Variants in TEX10 observed in about 807,000 individuals in gnomAD.
TEX10 encodes testis expressed 10, also known as testis-expressed protein 10.
A neutral mutation model predicts 104.4 loss-of-function variants in TEX10; 24 were observed. The ratio of observed to expected loss-of-function variants is 0.23; its 90% CI spans 0.17 to 0.32. The LOEUF (loss-of-function observed/expected upper bound fraction) is 0.32, where lower values mean the gene tolerates loss of function less well. Among genes scored for constraint, TEX10 ranks in the 10% least tolerant of loss-of-function variants. The probability of loss-of-function intolerance (pLI) is 1.00; values close to 1 mark genes in which losing one functional copy is unlikely to be tolerated. For synonymous variants in TEX10, 396 were observed against 393.4 expected (o/e 1.01, Z -0.08); for missense variants, 921 against 1,083.9 (o/e 0.85, Z 2.11).
intron 5 of TEX10, among the ~76,000 whole-genome samples, chr9:100,335,734 C>CTT (rs990826760): frequency 6.9e-6 from 1 of 144,964 alleles, no homozygotes; most frequent in African/African-American, 2.5e-5. Context: ...AAAGCATGTC[C>CTT]TTTTTTTTTT....
intron 10 of TEX10, 86 bp downstream of exon 10, chr9:100,321,597 A>C (rs1265154544): frequency 1.8e-6 from 2 of 1,110,776 alleles, no homozygotes; most frequent in East Asian, 2.4e-5. Context: ...AACTGAACCA[A>C]ACTGATAAAA....
At chr9:100,329,855 T>C in intron 6 of TEX10, 76 bp downstream of exon 6, 1 of 1,241,082 alleles carries the variant, frequency 8.1e-7, no homozygotes, top group Admixed American at 2.2e-5. Context: ...TTACAAGCCA[T>C]CATTTCAAAG....
Position 100,303,796 on chromosome 9 carries a change from G to C in TEX10, c.2512C>G (p.Arg838Gly), listed in dbSNP as rs146070264. 2.5e-6 allele frequency: 4 copies of C among 1,613,984 alleles called. No homozygotes were observed. The highest frequency in any genetic ancestry group is 1.7e-5 in the Admixed American group (1 of 60,000). ...VCVSILALLPRVLRLMLQSLR... is the reference protein window; with the variant it reads ...VCVSILALLPGVLRLMLQSLR... The stretch of plus-strand genomic sequence containing the variant: ...CTCTGCAGCATCAACCTGAGGACTC[G>C]AGGCAAGAGAGCCAGGATGGAGACA... The change falls in exon 14 of 15, where the codon CGA becomes GGA. Residue 838 changes from arginine (R) to glycine (G), a missense_variant. Transcript: ENST00000374902.
At chr9:100,314,597 A>G (rs537624291) in intron 11 of TEX10, among the ~76,000 whole-genome samples, 3 of 151,948 alleles carry the variant, frequency 2.0e-5, no homozygotes, top group African/African-American at 7.2e-5. Context: ...TTTTTTGTCT[A>G]TTTGGATCTT....
In TEX10 at chr9:100,352,854, G is replaced by A. The variant is rs879640071; in HGVS notation, c.-92C>T. The A allele has an allele frequency of 1.4e-3, 1,375 of 1,009,356 alleles. 2 individuals are homozygous for A. The highest frequency in any genetic ancestry group is 2.0e-3 in the Middle Eastern group (4 of 2,026). 62.5% of individuals were successfully genotyped at this position (1,009,356 alleles called of 1,614,324 possible). ...AGCCCACGGGGCAACAGCGTGCGCC[G>A]CCGACCTCAGGCTCTAGCTCCCGGA... On this transcript the variant is annotated 5_prime_UTR_variant, in exon 1 of 15. Transcript: ENST00000374902.
intron 5 of TEX10, among the ~76,000 whole-genome samples, chr9:100,338,222 G>A (rs531228285): frequency 7.9e-5 from 12 of 151,652 alleles, no homozygotes; most frequent in East Asian, 1.9e-4. Flanking sequence ...AGTGTTGATC[G>A]GCAGCTCTTC....
At chr9:100,352,387 C>T in intron 1 of TEX10, 1 of 1,551,722 alleles carries the variant, frequency 6.4e-7, no homozygotes, top group Non-Finnish European at 8.7e-7. Flanking sequence ...ACTCCGTATT[C>T]GGTCCTGCAT....
chr9:100,326,310 C>T lies in TEX10; in HGVS notation c.1971G>A (p.Leu657=). The T allele has an allele frequency of 6.2e-7, 1 of 1,613,574 alleles. No individual in the cohort carries two copies. The highest frequency in any genetic ancestry group is 8.5e-7 in the Non-Finnish European group (1 of 1,179,734). Residue 657 remains leucine, a synonymous_variant, in exon 9 of 15, where the codon CTG becomes CTA. Transcript: ENST00000374902. The stretch of plus-strand genomic sequence containing the variant: ...TCACTTGAGCATGCTACCTCATGTG[C>T]AGTATCCCGATAAGCATGGCAGCCA... ...SSLAAMLIGI[L]HMRSSFSGWK...
chr9:100,319,679 GCCTGT>G (rs566648125), intron 11 of TEX10, among the ~76,000 whole-genome samples: 2 of 152,054 alleles, frequency 1.3e-5, no homozygotes, highest in Non-Finnish European at 2.9e-5. Flanking sequence ...AGTGGCGCCT[GCCTGT>G]AATCCCAGCT....
rs1261850190 is a variant in TEX10, at chr9:100,341,713, G to A, written c.1138-1344C>T. ...AAGTCAATTCCCCACACAGCAGCCA[G>A]GGTGATCTTTTAAAACATAAATCGT... On this transcript the variant is annotated intron_variant, in intron 4 of 14. Transcript: ENST00000374902. Among the ~76,000 whole-genome samples, 3 of 152,104 alleles carry A rather than the reference G, an allele frequency of 2.0e-5. No individual in the cohort carries two copies. In the East Asian group the frequency reaches 5.8e-4, roughly 29 times the overall value.
At chr9:100,349,591 T>C (rs1835390056) in intron 1 of TEX10, among the ~76,000 whole-genome samples, 1 of 152,230 alleles carries the variant, frequency 6.6e-6, no homozygotes, top group Non-Finnish European at 1.5e-5. Flanking sequence ...TGCCACGGTT[T>C]TGCAAAGTTT....
chr9:100,327,854 A>G lies in TEX10; in HGVS notation c.1734T>C (p.His578=), dbSNP rs2118882162. ...CTTTATTTGCTCGTGCTGCAGCGGTATGAATGATATCGATAAGCTGTGTAG... is the reference window on the plus strand; with the variant it reads ...CTTTATTTGCTCGTGCTGCAGCGGTGTGAATGATATCGATAAGCTGTGTAG... ...ELSTQLIDII[H]TAAARANKEL... Residue 578 remains histidine (H), a synonymous_variant, in exon 8 of 15, where the codon CAT becomes CAC. Transcript: ENST00000374902. 1 of 1,607,910 alleles carries G rather than the reference A, an allele frequency of 6.2e-7. No individual in the cohort carries two copies. The highest frequency in any genetic ancestry group is 2.2e-5 in the East Asian group (1 of 44,836).
At chr9:100,333,763 G>C (rs1205161212) in intron 5 of TEX10, among the ~76,000 whole-genome samples, 1 of 151,900 alleles carries the variant, frequency 6.6e-6, no homozygotes, top group Non-Finnish European at 1.5e-5. Flanking sequence ...TGGTATTGGT[G>C]AAACAATAAA....
chr9:100,309,959 C>T (rs1394073516), intron 12 of TEX10, among the ~76,000 whole-genome samples: 1 of 152,184 alleles, frequency 6.6e-6, no homozygotes, highest in Non-Finnish European at 1.5e-5. Context: ...ACCCAGACTT[C>T]AGTCTAGATG....
At chr9:100,349,457 T>C in intron 1 of TEX10, 85 bp from the exon 2 acceptor site, 1 of 754,352 alleles carries the variant, frequency 1.3e-6, no homozygotes, top group Non-Finnish European at 1.9e-6. Context: ...CATACTACTG[T>C]AACATTTATT....
rs896546724 is a variant in TEX10 at position 100,324,009 on chromosome 9, C to T, written c.1980-2238G>A. Among the ~76,000 whole-genome samples the T allele has an allele frequency of 2.7e-4, 41 of 151,968 alleles. 1 individual carries two copies. Among genetic ancestry groups the T allele is most frequent in the African/African-American group, 8.7e-4 (36 of 41,380 alleles). On this transcript the variant is annotated intron_variant, in intron 9 of 14. Coordinates refer to ENST00000374902, the MANE Select transcript of TEX10 (RefSeq NM_017746.4). ...AAAAAACTAAAGATATGAAGTAACCCAACATATGTCTGAATGAACTAACCG... is the reference window on the plus strand; with the variant it reads ...AAAAAACTAAAGATATGAAGTAACCTAACATATGTCTGAATGAACTAACCG...
intron 13 of TEX10, chr9:100,307,547 T>C (rs527872882): frequency 1.3e-5 from 2 of 152,236 alleles, no homozygotes; most frequent in East Asian, 3.9e-4. Flanking sequence ...ACATGCAGTA[T>C]AATTCCCATT....
chr9:100,308,610 A>G lies in TEX10; in HGVS notation c.2355T>C (p.His785=), dbSNP rs1412118600. The change falls in exon 13 of 15, where the codon CAT becomes CAC. Residue 785 remains histidine, a synonymous_variant. Coordinates refer to ENST00000374902, the MANE Select transcript of TEX10 (RefSeq NM_017746.4). ...VFGVICKLLD[H]TCVVSETLLP... is the part of the protein sequence containing the mutation. ...GTAGAGTCTCACTAACTACACAAGT[A>G]TGATCCAGGAGCTTACAGATAACAC... 1.9e-6 allele frequency: 3 copies of G among 1,613,134 alleles called. No homozygotes were observed. Among genetic ancestry groups the G allele is most frequent in the East Asian group, 2.2e-5 (1 of 44,858 alleles).
At chr9:100,319,830 A>T (rs764562426) in intron 11 of TEX10, among the ~76,000 whole-genome samples, 14 of 152,128 alleles carry the variant, frequency 9.2e-5, no homozygotes, top group African/African-American at 1.4e-4. Context: ...AAAATAAAAT[A>T]AAAAATAAGA....
Sources: allele counts gnomAD v4.1 joint callset (sites outside exome capture counted in the v4.1 genomes callset), GRCh38; gene constraint gnomAD v4.1.1; transcripts MANE v1.5; gene names NCBI Gene and HGNC (gene_info 2026-07-23, HGNC 2026-07-21).